Variants in TAX1BP1 observed in about 807,000 individuals in gnomAD.
TAX1BP1 encodes Tax1 binding protein 1.
A neutral mutation model predicts 97.7 loss-of-function variants in TAX1BP1; 62 were observed. The ratio of observed to expected loss-of-function variants is 0.63; its 90% CI spans 0.52 to 0.78. The LOEUF (loss-of-function observed/expected upper bound fraction) is 0.78. TAX1BP1 is among the 30% of genes least tolerant of loss of function. The pLI is 0.00. For synonymous variants in TAX1BP1, 340 were observed against 304.2 expected, an observed-to-expected ratio of 1.12 and a Z score of -1.23; for missense variants, 867 against 916.1, an observed-to-expected ratio of 0.95 and a Z score of 0.69.
At chr7:27,748,724 C>G in intron 2 of TAX1BP1, 38 bp downstream of exon 2, 1 of 1,433,262 alleles carries the variant, frequency 7.0e-7, no homozygotes, top group South Asian at 1.7e-5. Context: ...CATGTAAACA[C>G]TTAAAATTTT....
intron 5 of TAX1BP1, among the ~76,000 whole-genome samples, chr7:27,777,212 AT>A (rs1303640572): frequency 6.6e-6 from 1 of 152,096 alleles, no homozygotes; most frequent in Non-Finnish European, 1.5e-5. Context: ...GATGTCATAT[AT>A]TGTGAATTAT....
intron 13 of TAX1BP1, among the ~76,000 whole-genome samples, chr7:27,810,923 C>G (rs1315897296): frequency 6.6e-6 from 1 of 152,046 alleles, no homozygotes. Context: ...GGATCCATCT[C>G]AAATGGCTCT....
At chr7:27,803,864 T>A (rs1213565903) in intron 13 of TAX1BP1, among the ~76,000 whole-genome samples, 2 of 152,204 alleles carry the variant, frequency 1.3e-5, no homozygotes, top group Non-Finnish European at 2.9e-5. Context: ...CTTGTTTGTT[T>A]GAGTTGTGAG....
At chr7:27,798,754 C>A (rs185508282) in intron 12 of TAX1BP1, among the ~76,000 whole-genome samples, 53 of 151,156 alleles carry the variant, frequency 3.5e-4, no homozygotes, top group African/African-American at 1.2e-3. Flanking sequence ...GTACTGATAG[C>A]TCATTGTGGT....
At chr7:27,746,217 C>T (rs1469377685) in intron 1 of TAX1BP1, among the ~76,000 whole-genome samples, 1 of 152,050 alleles carries the variant, frequency 6.6e-6, no homozygotes, top group Admixed American at 6.5e-5. Context: ...TTATTTCCTT[C>T]TTACTGAATA....
chr7:27,769,545 A>G (rs1788766197), intron 4 of TAX1BP1, 131 bp from the exon 5 acceptor site: 1 of 686,596 alleles, frequency 1.5e-6, no homozygotes, highest in African/African-American at 1.8e-5. Flanking sequence ...ATTGATATAA[A>G]GTAGGTAGAA....
intron 4 of TAX1BP1, among the ~76,000 whole-genome samples, chr7:27,768,660 G>A (rs1458385089): frequency 6.6e-6 from 1 of 151,824 alleles, no homozygotes; most frequent in Non-Finnish European, 1.5e-5. Flanking sequence ...GCCATTTATT[G>A]CAAACTATTT....
chr7:27,742,498 CA>C (rs1787658080), intron 1 of TAX1BP1, among the ~76,000 whole-genome samples: 1 of 150,184 alleles, frequency 6.7e-6, no homozygotes, highest in Admixed American at 6.6e-5. Flanking sequence ...GTGGTAAGGT[CA>C]TAGATTAACA....
At chr7:27,742,354 G>A (rs1160046745) in intron 1 of TAX1BP1, among the ~76,000 whole-genome samples, 1 of 152,194 alleles carries the variant, frequency 6.6e-6, no homozygotes, top group Non-Finnish European at 1.5e-5. Flanking sequence ...GGGTACTTGA[G>A]ATTAGGGAGT....
intron 5 of TAX1BP1, among the ~76,000 whole-genome samples, chr7:27,779,988 T>G (rs1789191346): frequency 6.6e-6 from 1 of 152,178 alleles, no homozygotes; most frequent in African/African-American, 2.4e-5. Flanking sequence ...TGATGATAAT[T>G]TAGATGACTA....
At chr7:27,746,705 G>C (rs1335913098) in intron 1 of TAX1BP1, among the ~76,000 whole-genome samples, 3 of 133,936 alleles carry the variant, frequency 2.2e-5, no homozygotes, top group African/African-American at 7.5e-5. Context: ...AAGGGGGATT[G>C]CTACTGAATA....
At chr7:27,825,604 G>T (rs1791147838) in intron 15 of TAX1BP1, among the ~76,000 whole-genome samples, 1 of 152,054 alleles carries the variant, frequency 6.6e-6, no homozygotes, top group Non-Finnish European at 1.5e-5. Context: ...AGAATAATCG[G>T]GTTATCATTG....
chr7:27,757,708 C>T (rs1445719059), intron 2 of TAX1BP1, among the ~76,000 whole-genome samples: 1 of 152,046 alleles, frequency 6.6e-6, no homozygotes, highest in Non-Finnish European at 1.5e-5. Flanking sequence ...TAAAAACTCA[C>T]TGTGTTTAGT....
intron 3 of TAX1BP1, among the ~76,000 whole-genome samples, chr7:27,759,889 T>C (rs1193129563): frequency 6.6e-6 from 1 of 151,272 alleles, no homozygotes; most frequent in Non-Finnish European, 1.5e-5. Context: ...AGTCACACTG[T>C]GTTACCCAGG....
chr7:27,780,591 C>T (rs1353805585), intron 5 of TAX1BP1, among the ~76,000 whole-genome samples: 21 of 152,092 alleles, frequency 1.4e-4, no homozygotes, highest in Admixed American at 1.4e-3. Flanking sequence ...CATTTAGTAT[C>T]TAATACATGG....
Position 27,829,749 on chromosome 7 carries a change from C to T in TAX1BP1, c.*920C>T, listed in dbSNP as rs984057152. Reference sequence around the variant, plus strand: ...TCACTAACATTAAAGAAAGAGGACACATTTTTCAAGATCTGTAATTTCATT... The same window carrying T: ...TCACTAACATTAAAGAAAGAGGACATATTTTTCAAGATCTGTAATTTCATT... On this transcript the variant is annotated 3_prime_UTR_variant, in exon 17 of 17. Coordinates refer to ENST00000396319, the MANE Select transcript of TAX1BP1 (RefSeq NM_006024.7). 6.6e-6 allele frequency: 1 copy of T among 152,184 alleles called. No homozygotes were observed. Among genetic ancestry groups the T allele is most frequent in the Non-Finnish European group, 1.5e-5 (1 of 68,010 alleles). 9.4% of individuals were successfully genotyped at this position (152,184 alleles called of 1,614,324 possible).
chr7:27,802,345 C>T (rs1157399366), intron 13 of TAX1BP1, among the ~76,000 whole-genome samples: 1 of 152,156 alleles, frequency 6.6e-6, no homozygotes, highest in Non-Finnish European at 1.5e-5. Context: ...TTGATAAAGA[C>T]CACCTCCTTT....
chr7:27,826,536 G>A (rs576688111), intron 15 of TAX1BP1, among the ~76,000 whole-genome samples: 5 of 152,288 alleles, frequency 3.3e-5, no homozygotes, highest in East Asian at 3.9e-4. Flanking sequence ...CCTCAGTGCC[G>A]GCTGCGCTTG....
intron 1 of TAX1BP1, among the ~76,000 whole-genome samples, chr7:27,743,210 G>T (rs1452970088): frequency 6.6e-6 from 1 of 152,254 alleles, no homozygotes; most frequent in Non-Finnish European, 1.5e-5. Flanking sequence ...AGGGATGTCT[G>T]CAAGGGTGCA....
Sources: allele counts gnomAD v4.1 joint callset (sites outside exome capture counted in the v4.1 genomes callset), GRCh38; gene constraint gnomAD v4.1.1; transcripts MANE v1.5; gene names NCBI Gene and HGNC (gene_info 2026-07-23, HGNC 2026-07-21).